Variants in SIDT1 observed in about 807,000 individuals in gnomAD.
SIDT1 encodes the protein SID1 transmembrane family, member 1.
A neutral mutation model predicts 107.5 loss-of-function variants in SIDT1; 101 were observed. The observed-to-expected ratio is 0.94, with a 90% CI of 0.80 to 1.11. The LOEUF is 1.11. SIDT1 is among the 50% of genes least tolerant of loss of function. The probability of loss-of-function intolerance (pLI) is 0.00; values close to 1 mark genes in which losing one functional copy is unlikely to be tolerated. For missense variants in SIDT1, 1,076 were observed against 1,058.2 expected (o/e 1.02, Z -0.23); for synonymous variants, 395 against 398.2 (o/e 0.99, Z 0.10).
intron 3 of SIDT1, 111 bp downstream of exon 3, chr3:113,567,821 A>G (rs542775317): frequency 4.3e-6 from 5 of 1,150,842 alleles, no homozygotes; most frequent in Non-Finnish European, 6.2e-6. Context: ...TCCACTTAGC[A>G]TATGATTTTA....
At chr3:113,551,164 T>C (rs1034663260) in intron 1 of SIDT1, among the ~76,000 whole-genome samples, 1 of 152,196 alleles carries the variant, frequency 6.6e-6, no homozygotes, top group Non-Finnish European at 1.5e-5. Context: ...CAATCTATCA[T>C]TGATTGACAT....
chr3:113,611,570 C>G lies in SIDT1; in HGVS notation c.1857+426C>G, dbSNP rs148138789. Among the ~76,000 whole-genome samples the G allele has an allele frequency of 5.4e-3, 819 of 152,318 alleles. 11 individuals are homozygous for G. The highest frequency in any genetic ancestry group is 0.032 in the Admixed American group (488 of 15,306). On this transcript the variant is annotated intron_variant, in intron 18 of 24. Transcript: ENST00000264852. The stretch of plus-strand genomic sequence containing the variant: ...ACTCCTGACCTCATGATCTGCCCAC[C>G]TCGGCCTCCCAAAGTGTTGGGATTA...
intron 1 of SIDT1, among the ~76,000 whole-genome samples, chr3:113,545,552 G>A (rs2107623650): frequency 6.6e-6 from 1 of 152,240 alleles, no homozygotes; most frequent in South Asian, 2.1e-4. Flanking sequence ...CCCATCACTA[G>A]CAAAATGATA....
chr3:113,617,940 C>T (rs1214911007), intron 20 of SIDT1, among the ~76,000 whole-genome samples: 5 of 152,158 alleles, frequency 3.3e-5, no homozygotes. Context: ...ATCATTACTA[C>T]CCATGTAAAG....
chr3:113,590,133 C>T lies in SIDT1; in HGVS notation c.1002-2872C>T, dbSNP rs1450360674. On this transcript the variant is annotated intron_variant, in intron 9 of 24. Coordinates refer to ENST00000264852, the MANE Select transcript of SIDT1 (RefSeq NM_017699.3). ...CAGGGAAGTCCTCTCATAACCAAGA[C>T]CTGAATGGCAAGAAGGAGCCTGCCA... 5 of 152,180 alleles carry T rather than the reference C, an allele frequency of 3.3e-5. No individual in the cohort carries two copies. In the East Asian group the frequency reaches 7.7e-4, roughly 23 times the overall value. 9.4% of individuals were successfully genotyped at this position (152,180 alleles called of 1,614,324 possible).
chr3:113,541,129 T>TACACACAC (rs1938798702), intron 1 of SIDT1, among the ~76,000 whole-genome samples: 1 of 133,490 alleles, frequency 7.5e-6, no homozygotes, highest in South Asian at 2.3e-4. Context: ...TATATATATA[T>TACACACAC]ATATACACAC....
intron 6 of SIDT1, among the ~76,000 whole-genome samples, chr3:113,582,547 T>C (rs1302521886): frequency 6.6e-6 from 1 of 152,192 alleles, no homozygotes. Context: ...AGTAGGGAAC[T>C]TCAAATTGTA....
chr3:113,589,253 C>T (rs1943965891), intron 9 of SIDT1, among the ~76,000 whole-genome samples: 1 of 152,218 alleles, frequency 6.6e-6, no homozygotes, highest in African/African-American at 2.4e-5. Flanking sequence ...GCACAGTCCT[C>T]ATTTGCTATT....
intron 6 of SIDT1, 81 bp downstream of exon 6, chr3:113,581,525 G>A: frequency 1.8e-6 from 2 of 1,123,668 alleles, no homozygotes; most frequent in East Asian, 2.4e-5. Context: ...CATCCAAAAG[G>A]GATGGCCATC....
chr3:113,608,000 C>A lies in SIDT1; in HGVS notation c.1479-94C>A, dbSNP rs930363863. ...TATGGAAAGGTTAATGGAAAACATT[C>A]ATGCTGAATTCATTCATTCCTTCAT... On this transcript the variant is annotated intron_variant, in intron 15 of 24. Coordinates refer to ENST00000264852, the MANE Select transcript of SIDT1 (RefSeq NM_017699.3). The A allele has an allele frequency of 5.3e-6, 7 of 1,329,326 alleles. No individual in the cohort carries two copies. The South Asian group carries it at 1.2e-4, about 22-fold the overall frequency. The allele number at this position is 1,329,326 out of a possible 1,614,324, so 82.3% of individuals were successfully genotyped here.
chr3:113,573,323 C>T (rs746925786), intron 3 of SIDT1, among the ~76,000 whole-genome samples: 1 of 152,158 alleles, frequency 6.6e-6, no homozygotes, highest in Non-Finnish European at 1.5e-5. Context: ...CAGGAGATGG[C>T]CCTGGGCTGG....
At chr3:113,624,953 C>CA (rs1946742917) in intron 23 of SIDT1, among the ~76,000 whole-genome samples, 1 of 152,004 alleles carries the variant, frequency 6.6e-6, no homozygotes, top group South Asian at 2.1e-4. Context: ...ATCATATTGT[C>CA]TTTGTCCATA....
chr3:113,571,874 T>G (rs4682494), intron 3 of SIDT1, among the ~76,000 whole-genome samples: 44,629 of 151,986 alleles, frequency 0.29, 7,306 homozygotes, highest in East Asian at 0.59. Flanking sequence ...GGCAGAGGTT[T>G]CAGTGAGCTG....
intron 1 of SIDT1, 103 bp from the exon 2 acceptor site, chr3:113,566,317 G>C (rs1309882145): frequency 8.5e-7 from 1 of 1,169,624 alleles, no homozygotes; most frequent in Non-Finnish European, 1.2e-6. Context: ...TGGCAACTAT[G>C]GTGTGTGTGT....
chr3:113,603,299 A>G, intron 12 of SIDT1, 149 bp downstream of exon 12: 1 of 813,924 alleles, frequency 1.2e-6, no homozygotes, highest in Non-Finnish European at 1.9e-6. Context: ...CCTACAGACT[A>G]AAAGCAATAC....
intron 1 of SIDT1, among the ~76,000 whole-genome samples, chr3:113,551,631 A>G (rs1940243293): frequency 6.6e-6 from 1 of 152,186 alleles, no homozygotes; most frequent in African/African-American, 2.4e-5. Flanking sequence ...AAACTGAAAC[A>G]AGATTTTTTA....
chr3:113,597,023 G>T (rs1169583805), intron 10 of SIDT1, among the ~76,000 whole-genome samples: 1 of 152,068 alleles, frequency 6.6e-6, no homozygotes, highest in East Asian at 1.9e-4. Flanking sequence ...AGTGACAAAG[G>T]GTCTCAAATT....
At chr3:113,544,441 C>T (rs376220605) in intron 1 of SIDT1, among the ~76,000 whole-genome samples, 1 of 152,160 alleles carries the variant, frequency 6.6e-6, no homozygotes, top group Admixed American at 6.5e-5. Context: ...CCACCCAGCT[C>T]GGCCTCCCAA....
At chr3:113,617,970 C>T (rs758469359) in intron 20 of SIDT1, among the ~76,000 whole-genome samples, 1 of 152,184 alleles carries the variant, frequency 6.6e-6, no homozygotes, top group Non-Finnish European at 1.5e-5. Context: ...CATTAATGCT[C>T]ATTCTTGATG....
Sources: gnomAD v4.1 joint callset for allele counts (sites outside exome capture counted in the v4.1 genomes callset) on GRCh38, gnomAD v4.1.1 for gene constraint, MANE v1.5 for transcripts, NCBI Gene and HGNC (gene_info 2026-07-23, HGNC 2026-07-21) for gene names.